The following GALNT13 variants were observed in gnomAD, a reference collection of about 807,000 sequenced individuals.
GALNT13 encodes polypeptide N-acetylgalactosaminyltransferase 13.
In GALNT13, 28 loss-of-function variants were observed where a neutral mutation model predicts 64.2. The ratio of observed to expected loss-of-function variants is 0.44; its 90% CI spans 0.32 to 0.60. The LOEUF is 0.60. Ranked by LOEUF, GALNT13 falls within the 20% of genes least tolerant of loss-of-function variation. The pLI is 0.05. For missense variants in GALNT13, 577 were observed against 669.8 expected (o/e 0.86, Z 1.53); for synonymous variants, 214 against 224.6 (o/e 0.95, Z 0.42).
the GALNT13 span, among the ~76,000 whole-genome samples, chr2:153,437,584 CCTT>C: frequency 6.6e-6 from 1 of 152,116 alleles, no homozygotes; most frequent in Non-Finnish European, 1.5e-5. Context: ...TATGTAATGG[CCTT>C]CTTTGTCTCT....
chr2:153,988,759 T>C (rs532153683), intron 3 of GALNT13, among the ~76,000 whole-genome samples: 120 of 152,124 alleles, frequency 7.9e-4, no homozygotes, highest in African/African-American at 2.6e-3. Context: ...GATGAGGATC[T>C]AAATACGTAA....
chr2:153,461,568 G>A, the GALNT13 span, among the ~76,000 whole-genome samples: 1 of 152,058 alleles, frequency 6.6e-6, no homozygotes, highest in Admixed American at 6.6e-5. Flanking sequence ...AGGCAGATGA[G>A]TCTGGGTTAA....
chr2:153,588,582 G>A, the GALNT13 span, among the ~76,000 whole-genome samples: 1 of 152,162 alleles, frequency 6.6e-6, no homozygotes, highest in East Asian at 1.9e-4. Context: ...CCCTGAGTCT[G>A]GCCCACAAAA....
the GALNT13 span, among the ~76,000 whole-genome samples, chr2:153,441,145 C>T: frequency 7.2e-5 from 11 of 152,174 alleles, no homozygotes; most frequent in East Asian, 1.9e-4. Context: ...GGAAGGGGTC[C>T]GGTTTCAGAT....
At chr2:153,991,437 G>C (rs1478684751) in intron 3 of GALNT13, among the ~76,000 whole-genome samples, 1 of 152,114 alleles carries the variant, frequency 6.6e-6, no homozygotes, top group Non-Finnish European at 1.5e-5. Context: ...AGCAAGATTT[G>C]GAAGAGAAAA....
At chr2:153,621,599 C>G in the GALNT13 span, among the ~76,000 whole-genome samples, 2 of 152,118 alleles carry the variant, frequency 1.3e-5, no homozygotes, top group African/African-American at 4.8e-5. Flanking sequence ...AGACAACAGT[C>G]AAAAACCTTA....
intron 7 of GALNT13, among the ~76,000 whole-genome samples, chr2:154,255,759 G>A (rs1690336669): frequency 6.6e-6 from 1 of 151,960 alleles, no homozygotes; most frequent in East Asian, 1.9e-4. Flanking sequence ...CAAAACTTTT[G>A]GAAAGACTCA....
chr2:153,450,488 A>T, the GALNT13 span, among the ~76,000 whole-genome samples: 1 of 152,216 alleles, frequency 6.6e-6, no homozygotes, highest in African/African-American at 2.4e-5. Flanking sequence ...TGACTGCTTC[A>T]GTAAAATCTT....
chr2:153,800,376 G>A, the GALNT13 span, among the ~76,000 whole-genome samples: 1 of 152,126 alleles, frequency 6.6e-6, no homozygotes, highest in Non-Finnish European at 1.5e-5. Flanking sequence ...ATCTTGCCTC[G>A]ATATTGATGG....
At chr2:153,683,544 T>C in the GALNT13 span, among the ~76,000 whole-genome samples, 3 of 151,872 alleles carry the variant, frequency 2.0e-5, no homozygotes, top group South Asian at 4.1e-4. Flanking sequence ...TGATGTCTTA[T>C]GTTTGTTATA....
At chr2:153,406,744 A>G in the GALNT13 span, among the ~76,000 whole-genome samples, 4 of 152,292 alleles carry the variant, frequency 2.6e-5, no homozygotes, top group Middle Eastern at 6.8e-3. Flanking sequence ...GCATTTACAA[A>G]TTTAGTATAT....
At chr2:154,347,570 T>C (rs1196845925) in intron 9 of GALNT13, among the ~76,000 whole-genome samples, 1 of 152,178 alleles carries the variant, frequency 6.6e-6, no homozygotes, top group Non-Finnish European at 1.5e-5. Context: ...CTGTCTTTGC[T>C]CATAATATTG....
chr2:153,792,476 C>T, the GALNT13 span, among the ~76,000 whole-genome samples: 1 of 152,128 alleles, frequency 6.6e-6, no homozygotes, highest in Non-Finnish European at 1.5e-5. Context: ...TTGGTATTCA[C>T]AAGGGGTCCT....
chr2:153,941,452 A>G (rs952744740), intron 2 of GALNT13, among the ~76,000 whole-genome samples: 1 of 152,234 alleles, frequency 6.6e-6, no homozygotes, highest in Non-Finnish European at 1.5e-5. Context: ...AGTTCATGCA[A>G]GTTGCTCATG....
the GALNT13 span, among the ~76,000 whole-genome samples, chr2:153,793,520 C>T: frequency 6.6e-6 from 1 of 151,996 alleles, no homozygotes; most frequent in South Asian, 2.1e-4. Flanking sequence ...ATGACATGGG[C>T]AAACTATATT....
rs546512807 is a variant in GALNT13, at chr2:154,298,259, G to C, written c.976-3150G>C. ...CAAGGGATATTTGTTATTTTGACCA[G>C]AGGAATTGTGAGGAGCTACATAAAT... On this transcript the variant is annotated intron_variant, in intron 8 of 12. Transcript: ENST00000392825. Among the ~76,000 whole-genome samples the C allele has an allele frequency of 4.0e-5, 6 of 151,184 alleles. No individual in the cohort carries two copies. The South Asian group carries it at 1.3e-3, about 31-fold the overall frequency.
chr2:154,133,347 T>C (rs923257004), intron 3 of GALNT13, among the ~76,000 whole-genome samples: 1 of 151,840 alleles, frequency 6.6e-6, no homozygotes, highest in Admixed American at 6.6e-5. Context: ...AATCTCTACT[T>C]ATGATCTAAT....
intron 3 of GALNT13, among the ~76,000 whole-genome samples, chr2:153,997,287 T>C (rs534526149): frequency 3.2e-4 from 48 of 152,282 alleles, no homozygotes; most frequent in African/African-American, 1.1e-3. Context: ...TAATATTAAG[T>C]CTTCCAATCT....
chr2:153,568,918 T>A, the GALNT13 span, among the ~76,000 whole-genome samples: 1 of 152,228 alleles, frequency 6.6e-6, no homozygotes, highest in Non-Finnish European at 1.5e-5. Context: ...AACATTGTTT[T>A]AAAATTCACC....
Sources: allele counts gnomAD v4.1 joint callset (sites outside exome capture counted in the v4.1 genomes callset), GRCh38; gene constraint gnomAD v4.1.1; transcripts MANE v1.5; gene names NCBI Gene and HGNC (gene_info 2026-07-23, HGNC 2026-07-21).